Variants in NSD3 observed in about 807,000 individuals in gnomAD.
NSD3 encodes the protein histone-lysine N-methyltransferase NSD3.
In NSD3, 24 loss-of-function variants were observed where a neutral mutation model predicts 160.8. The observed-to-expected ratio is 0.15, with a 90% CI of 0.11 to 0.21. The LOEUF (loss-of-function observed/expected upper bound fraction) is 0.21. Among genes scored for constraint, NSD3 ranks in the 10% least tolerant of loss-of-function variants. NSD3 has a pLI of 1.00. For synonymous variants in NSD3, 520 were observed against 600.0 expected, an observed-to-expected ratio of 0.87 and a Z score of 1.95; for missense variants, 1,157 against 1,735.9, an observed-to-expected ratio of 0.67 and a Z score of 5.93.
intron 15 of NSD3, among the ~76,000 whole-genome samples, chr8:38,296,932 T>C (rs1447270649): frequency 1.3e-5 from 2 of 152,084 alleles, no homozygotes; most frequent in Non-Finnish European, 2.9e-5. Flanking sequence ...CAAAGAAATA[T>C]ATAACTGCCA....
chr8:38,270,899 C>T lies in NSD3; in HGVS notation c.*4742G>A, dbSNP rs1465986453. The T allele has an allele frequency of 1.1e-4, 16 of 152,196 alleles. No individual in the cohort carries two copies. 9.4% of individuals were successfully genotyped at this position (152,196 alleles called of 1,614,324 possible). A position where few individuals can be genotyped will look rare whatever the true frequency, so the allele number is the denominator to read the frequency against. On this transcript the variant is annotated 3_prime_UTR_variant, in exon 24 of 24. Transcript: ENST00000317025. Reference sequence around the variant, plus strand: ...CAAGCACCCAAACTTGTCACTTATGCAATGGACTGACCAAAACAAAACAAA... The same window carrying T: ...CAAGCACCCAAACTTGTCACTTATGTAATGGACTGACCAAAACAAAACAAA...
intron 1 of NSD3, among the ~76,000 whole-genome samples, chr8:38,369,180 TGTA>T (rs146039241): frequency 0.089 from 13,609 of 152,202 alleles, 760 homozygotes; most frequent in Middle Eastern, 0.21. Flanking sequence ...AGGTTCAACA[TGTA>T]GTATTTTAGT....
Position 38,278,310 on chromosome 8 carries a change from G to A in NSD3, c.3863C>T (p.Pro1288Leu). 6.2e-7 allele frequency: 1 copy of A among 1,613,664 alleles called. No individual in the cohort carries two copies. Among genetic ancestry groups the A allele is most frequent in the Non-Finnish European group, 8.5e-7 (1 of 1,179,824 alleles). Residue 1288 changes from proline (P) to leucine (L), a missense_variant, in exon 22 of 24, where the codon CCA becomes CTA. Around this residue, in one of 10 missense-constraint regions of NSD3, gnomAD observed 222 missense variants for 409.9 expected, o/e 0.54. Transcript: ENST00000317025. ...DNCSGFLGVR[P>L]KSACASTNEE... ...GCGCTCCCCTGCAAGACTGACCTTT[G>A]GCCGCACTCCTAGAAAACCACTGCA...
At chr8:38,373,934 C>CAAAAAAA (rs61532119) in intron 1 of NSD3, among the ~76,000 whole-genome samples, 4 of 25,144 alleles carry the variant, frequency 1.6e-4, no homozygotes, top group African/African-American at 4.1e-4. Context: ...TCTGTCTCTA[C>CAAAAAAA]AAAAAAAAAA....
chr8:38,343,432 T>G (rs547804479), intron 2 of NSD3, among the ~76,000 whole-genome samples: 3 of 152,166 alleles, frequency 2.0e-5, no homozygotes, highest in Non-Finnish European at 4.4e-5. Flanking sequence ...CCAAGTGCAG[T>G]GGCTCACACC....
intron 2 of NSD3, among the ~76,000 whole-genome samples, chr8:38,344,925 T>G (rs1300548227): frequency 6.6e-6 from 1 of 152,146 alleles, no homozygotes; most frequent in South Asian, 2.1e-4. Flanking sequence ...TTAAAACAAC[T>G]GTCCTGAAGG....
At chr8:38,380,281 C>T (rs1238547787) in intron 1 of NSD3, among the ~76,000 whole-genome samples, 2 of 152,192 alleles carry the variant, frequency 1.3e-5, no homozygotes, top group Non-Finnish European at 2.9e-5. Context: ...TTTAAAAATA[C>T]ATACATTTCT....
intron 2 of NSD3, among the ~76,000 whole-genome samples, chr8:38,345,090 G>A (rs1174655687): frequency 6.6e-6 from 1 of 152,170 alleles, no homozygotes; most frequent in East Asian, 1.9e-4. Flanking sequence ...TCTGTGGTCA[G>A]AATGGACTAC....
rs1444028616 is a variant in NSD3 at position 38,295,964 on chromosome 8, T to C, written c.2759-12A>G. ...GAGCAATCTTCCACCTTGAAACAAA[T>C]AAACAGTCTTAATAACTGAGAAAAG... On this transcript the variant is annotated splice_polypyrimidine_tract_variant and intron_variant, in intron 15 of 23. Transcript: ENST00000317025. The C allele has an allele frequency of 3.7e-6, 6 of 1,603,064 alleles. No homozygotes were observed. Among genetic ancestry groups the C allele is most frequent in the African/African-American group, 2.7e-5 (2 of 74,034 alleles).
At chr8:38,335,489 AT>A (rs111349609) in intron 4 of NSD3, among the ~76,000 whole-genome samples, 32,070 of 151,816 alleles carry the variant, frequency 0.21, 3,569 homozygotes, top group East Asian at 0.3. Flanking sequence ...TTCTGACATG[AT>A]GTAACTTCTT....
chr8:38,285,039 A>G (rs1047410130), intron 19 of NSD3, among the ~76,000 whole-genome samples: 4 of 152,262 alleles, frequency 2.6e-5, no homozygotes, highest in African/African-American at 9.6e-5. Flanking sequence ...TGTGAAAAAA[A>G]ATTGTAACAA....
At chr8:38,312,335 A>C (rs950116966) in intron 12 of NSD3, among the ~76,000 whole-genome samples, 1 of 152,238 alleles carries the variant, frequency 6.6e-6, no homozygotes, top group Non-Finnish European at 1.5e-5. Flanking sequence ...TAAATTTTCT[A>C]ATAGATGTGT....
At chr8:38,346,459 A>C (rs1217372562) in intron 2 of NSD3, among the ~76,000 whole-genome samples, 1 of 150,358 alleles carries the variant, frequency 6.7e-6, no homozygotes, top group East Asian at 1.9e-4. Flanking sequence ...GGCTCCCCTC[A>C]CTAGAATATA....
In NSD3 at chr8:38,271,096, T is replaced by C. The variant is rs891505090; in HGVS notation, c.*4545A>G. On this transcript the variant is annotated 3_prime_UTR_variant, in exon 24 of 24. Coordinates refer to ENST00000317025, the MANE Select transcript of NSD3 (RefSeq NM_023034.2). Reference sequence around the variant, plus strand: ...ATAAAGAATGTACATAAAAAGTATTTGTAAAAATGCTGGTATCTCATGCAG... The same window carrying C: ...ATAAAGAATGTACATAAAAAGTATTCGTAAAAATGCTGGTATCTCATGCAG... The C allele has an allele frequency of 1.3e-5, 2 of 152,156 alleles. No individual in the cohort carries two copies. Among genetic ancestry groups the C allele is most frequent in the African/African-American group, 4.8e-5 (2 of 41,440 alleles). The allele number at this position is 152,156 out of a possible 1,614,324, so 9.4% of individuals were successfully genotyped here.
rs186183487 is a variant in NSD3 at position 38,314,618 on chromosome 8, T to G, written c.2242+29A>C. The G allele has an allele frequency of 2.2e-3, 3,490 of 1,613,746 alleles. 9 individuals are homozygous for G. The highest frequency in any genetic ancestry group is 2.6e-3 in the Non-Finnish European group (3,024 of 1,179,866). On this transcript the variant is annotated intron_variant, in intron 12 of 23. Transcript: ENST00000317025. The stretch of plus-strand genomic sequence containing the variant: ...TTCCTGGCACAATCCCATTCATCTT[T>G]TCATGACTATCGAAATAAGTCATCT...
intron 1 of NSD3, among the ~76,000 whole-genome samples, chr8:38,372,471 G>A (rs1020805739): frequency 3.3e-5 from 5 of 149,880 alleles, no homozygotes; most frequent in Non-Finnish European, 7.4e-5. Flanking sequence ...CGTTGAACTC[G>A]CATGCTTATG....
chr8:38,368,517 C>T (rs987682564), intron 1 of NSD3, among the ~76,000 whole-genome samples: 5 of 152,160 alleles, frequency 3.3e-5, no homozygotes, highest in Admixed American at 2.0e-4. Flanking sequence ...AACCATAAAT[C>T]CTGTCACTAA....
At position 38,321,722 on chromosome 8, in the gene NSD3, T is replaced by A. The variant is rs1372658234; in HGVS notation, c.1709-550A>T. On this transcript the variant is annotated intron_variant, in intron 7 of 23. Coordinates refer to ENST00000317025, the MANE Select transcript of NSD3 (RefSeq NM_023034.2). This position sits in a 1 kb window ranked among gnomAD's most constrained non-coding sequence, Gnocchi z 4.7. Reference sequence around the variant, plus strand: ...CAGGAAAAGCAGGGAAGGCAAAAAATGTGACCAAAACCTAATCATTAATTT... The same window carrying A: ...CAGGAAAAGCAGGGAAGGCAAAAAAAGTGACCAAAACCTAATCATTAATTT... 6.6e-6 allele frequency among the ~76,000 whole-genome samples: 1 copy of A among 152,182 alleles called. No individual in the cohort carries two copies. The highest frequency in any genetic ancestry group is 1.9e-4 in the East Asian group (1 of 5,202).
chr8:38,303,349 A>G, intron 14 of NSD3: 1 of 985,230 alleles, frequency 1.0e-6, no homozygotes, highest in African/African-American at 1.7e-5. Context: ...TTTCAGACCT[A>G]CTCCTCCATG....
Sources: gnomAD v4.1 joint callset for allele counts (sites outside exome capture counted in the v4.1 genomes callset) on GRCh38, gnomAD v4.1.1 for gene constraint, gnomAD v4.1.1 regional missense constraint, Gnocchi (gnomAD v3.1) non-coding constraint, MANE v1.5 for transcripts, NCBI Gene and HGNC (gene_info 2026-07-23, HGNC 2026-07-21) for gene names.